BTAF1: variants seen among roughly 807,000 people sequenced by gnomAD.
The protein encoded by BTAF1 is B-TFIID TATA-box binding protein associated factor 1.
A neutral mutation model predicts 227.1 loss-of-function variants in BTAF1; 38 were observed. The ratio of observed to expected loss-of-function variants is 0.17; its 90% CI spans 0.13 to 0.22. BTAF1 has a LOEUF of 0.22. Ranked by LOEUF, BTAF1 falls within the 10% of genes least tolerant of loss-of-function variation. The pLI is 1.00. For missense variants in BTAF1, 1,598 were observed against 2,204.0 expected (o/e 0.73, Z 5.51); for synonymous variants, 742 against 751.9 (o/e 0.99, Z 0.21).
At chr10:91,981,381 A>G (rs2133981691) in intron 15 of BTAF1, among the ~76,000 whole-genome samples, 1 of 152,146 alleles carries the variant, frequency 6.6e-6, no homozygotes, top group Middle Eastern at 3.4e-3. Context: ...ACAATTTTGT[A>G]TTACTTTTAT....
intron 20 of BTAF1, among the ~76,000 whole-genome samples, chr10:91,991,036 G>A (rs1462242458): frequency 6.6e-6 from 1 of 151,100 alleles, no homozygotes; most frequent in African/African-American, 2.4e-5. Flanking sequence ...CACGAGGTCA[G>A]AAGTTCGAGA....
intron 11 of BTAF1, among the ~76,000 whole-genome samples, chr10:91,961,535 T>G (rs971556418): frequency 2.6e-5 from 4 of 152,078 alleles, no homozygotes; most frequent in Non-Finnish European, 5.9e-5. Context: ...TCCAACTCTT[T>G]TCTCCCTCTG....
At chr10:91,935,910 C>A in intron 2 of BTAF1, 130 bp downstream of exon 2, 4 of 912,552 alleles carry the variant, frequency 4.4e-6, no homozygotes, top group Non-Finnish European at 3.0e-6. Flanking sequence ...TTTTTCTGGT[C>A]ACAAGACTTA....
In BTAF1 at chr10:91,996,376, A is replaced by G; in HGVS notation, c.3317A>G (p.Gln1106Arg). 1.2e-6 allele frequency: 2 copies of G among 1,613,950 alleles called. No individual in the cohort carries two copies. The highest frequency in any genetic ancestry group is 1.7e-6 in the Non-Finnish European group (2 of 1,179,924). Reference protein sequence around the residue: ...MDSELHPLLVQHLPHLYMCLQ... With the variant: ...MDSELHPLLVRHLPHLYMCLQ... ...TTAACTTTTTGTTTTTAGTTGGTCC[A>G]GCATTTGCCACATCTTTATATGTGC... The change falls in exon 24 of 38, where the codon CAG becomes CGG. Residue 1106 changes from glutamine to arginine, a missense_variant. Around this residue, in one of 10 missense-constraint regions of BTAF1, gnomAD observed 425 missense variants for 491.2 expected, o/e 0.87. Transcript: ENST00000265990.
At chr10:92,019,922 G>A (rs1289322826) in intron 34 of BTAF1, among the ~76,000 whole-genome samples, 1 of 140,670 alleles carries the variant, frequency 7.1e-6, no homozygotes, top group African/African-American at 2.6e-5. Context: ...GGGTCTCACT[G>A]TGTTGCCCAG....
rs146755719 is a variant in BTAF1 at position 92,021,765 on chromosome 10, C to T, written c.4863+2830C>T. 1.3e-3 allele frequency among the ~76,000 whole-genome samples: 196 copies of T among 152,064 alleles called. 2 individuals are homozygous for T. In the East Asian group the frequency reaches 0.03, roughly 23 times the overall value. ...TTCACCGTGTTAGCCAGGATGGTCT[C>T]GCTCTCCTGACCTCATGATCCGCCT... is the stretch of plus-strand genomic sequence containing the variant. On this transcript the variant is annotated intron_variant, in intron 34 of 37. Transcript: ENST00000265990.
chr10:92,023,831 G>A (rs1368636296), intron 34 of BTAF1, among the ~76,000 whole-genome samples: 3 of 152,050 alleles, frequency 2.0e-5, no homozygotes, highest in African/African-American at 7.2e-5. Context: ...ACAGGATTTC[G>A]CCATGTTGGC....
intron 25 of BTAF1, among the ~76,000 whole-genome samples, chr10:92,006,653 C>T (rs544758067): frequency 6.6e-6 from 1 of 152,274 alleles, no homozygotes; most frequent in South Asian, 2.1e-4. Flanking sequence ...TGGAAACTGT[C>T]AGCTTCTCTT....
chr10:91,943,717 C>T (rs1018134985), intron 4 of BTAF1, among the ~76,000 whole-genome samples: 5 of 152,100 alleles, frequency 3.3e-5, no homozygotes, highest in Admixed American at 6.5e-5. Context: ...AAAATCTTTT[C>T]ATTTATATCA....
At chr10:92,027,366 G>C (rs1851586826) in intron 37 of BTAF1, 66 bp downstream of exon 37, 1 of 1,437,714 alleles carries the variant, frequency 7.0e-7, no homozygotes, top group South Asian at 1.4e-5. Flanking sequence ...TAAGTTGAAA[G>C]TATTAAAGGA....
At chr10:91,954,655 T>G (rs1193222454) in intron 6 of BTAF1, among the ~76,000 whole-genome samples, 1 of 152,022 alleles carries the variant, frequency 6.6e-6, no homozygotes, top group Admixed American at 6.6e-5. Context: ...ACTCCCAGGC[T>G]CAAGCAATCC....
At chr10:91,959,740 G>GTGTGTGTATATA (rs1239373067) in intron 9 of BTAF1, 45 bp from the exon 10 acceptor site, 6 of 226,554 alleles carry the variant, frequency 2.6e-5, no homozygotes, top group Non-Finnish European at 4.6e-5. Flanking sequence ...GTGTGTGTGT[G>GTGTGTGTATATA]TATATATATA....
At chr10:92,011,709 C>T (rs1310077277) in intron 30 of BTAF1, among the ~76,000 whole-genome samples, 1 of 152,120 alleles carries the variant, frequency 6.6e-6, no homozygotes, top group Non-Finnish European at 1.5e-5. Context: ...CATTCTCCTT[C>T]CATAGTAGTA....
intron 14 of BTAF1, among the ~76,000 whole-genome samples, chr10:91,979,112 G>A (rs953023862): frequency 1.3e-5 from 2 of 151,866 alleles, no homozygotes; most frequent in Non-Finnish European, 2.9e-5. Context: ...AAGGATAATG[G>A]CCTCCCGCTC....
intron 34 of BTAF1, among the ~76,000 whole-genome samples, chr10:92,020,229 C>G (rs1851027847): frequency 6.6e-6 from 1 of 152,062 alleles, no homozygotes. Context: ...TGTCTTTAAA[C>G]AGTTTATAAT....
At position 91,981,754 on chromosome 10, in the gene BTAF1, G is replaced by A; in HGVS notation, c.1867G>A (p.Asp623Asn). ...GATGCAGCCTTCTCATTTACCTATC[G>A]ATTTAAATATGTTGCTAGAAGTAAA... Reference protein sequence around the residue: ...LMMQPSHLPIDLNMLLEVKAR... With the variant: ...LMMQPSHLPINLNMLLEVKAR... The change falls in exon 16 of 38, where the codon GAT becomes AAT. Residue 623 changes from aspartate to asparagine, a missense_variant. By Grantham distance (23) the Asp-to-Asn change is conservative. Transcript: ENST00000265990. 1 of 1,613,558 alleles carries A rather than the reference G, an allele frequency of 6.2e-7. No homozygotes were observed. The highest frequency in any genetic ancestry group is 8.5e-7 in the Non-Finnish European group (1 of 1,179,748).
intron 3 of BTAF1, among the ~76,000 whole-genome samples, chr10:91,941,752 TCTTAA>T (rs1339525994): frequency 6.6e-6 from 1 of 152,238 alleles, no homozygotes; most frequent in African/African-American, 2.4e-5. Flanking sequence ...ATTTTTAAAC[TCTTAA>T]CAGTAAGTAG....
intron 3 of BTAF1, 94 bp from the exon 4 acceptor site, chr10:91,942,328 G>GAACCCA (rs1845071473): frequency 1.2e-6 from 1 of 812,542 alleles, no homozygotes; most frequent in Non-Finnish European, 1.9e-6. Context: ...GTGTGTGTGT[G>GAACCCA]TGTAACCCAT....
rs754823312 is a variant in BTAF1, at chr10:92,016,376, A to G, written c.4621A>G (p.Lys1541Glu). 1.2e-6 allele frequency: 2 copies of G among 1,600,232 alleles called. No individual in the cohort carries two copies. Among genetic ancestry groups the G allele is most frequent in the South Asian group, 2.3e-5 (2 of 87,156 alleles). The change falls in exon 33 of 38, where the codon AAG becomes GAG. Residue 1541 changes from lysine (K) to glutamate (E), a missense_variant. Lys to Glu is a moderately conservative substitution (Grantham distance 56). Around this residue, in one of 10 missense-constraint regions of BTAF1, gnomAD observed 205 missense variants for 244.5 expected, o/e 0.84. Coordinates refer to ENST00000265990, the MANE Select transcript of BTAF1 (RefSeq NM_003972.3). Reference sequence around the variant, plus strand: ...TGAAGATTTTGCTAAGTCTCGTGCCAAGTGTGATGTTGATGAAACAGTTTC... The same window carrying G: ...TGAAGATTTTGCTAAGTCTCGTGCCGAGTGTGATGTTGATGAAACAGTTTC... ...LYEDFAKSRAKCDVDETVSSA... is the reference protein window; with the variant it reads ...LYEDFAKSRAECDVDETVSSA...
Sources: gnomAD v4.1 joint callset for allele counts (sites outside exome capture counted in the v4.1 genomes callset) on GRCh38, gnomAD v4.1.1 for gene constraint, gnomAD v4.1.1 regional missense constraint, MANE v1.5 for transcripts, NCBI Gene and HGNC (gene_info 2026-07-23, HGNC 2026-07-21) for gene names.